The following TRIP11 variants were observed in gnomAD, a reference collection of about 807,000 sequenced individuals.
TRIP11 encodes thyroid hormone receptor interactor 11.
TRIP11 carries 148 observed loss-of-function variants against 223.1 expected under a neutral mutation model. The observed-to-expected ratio is 0.66, with a 90% CI of 0.58 to 0.76. The LOEUF is 0.76. Ranked by LOEUF, TRIP11 falls within the 30% of genes least tolerant of loss-of-function variation. TRIP11 has a pLI of 0.00. For missense variants in TRIP11, 2,043 were observed against 2,222.0 expected (o/e 0.92, Z 1.62); for synonymous variants, 762 against 772.6 (o/e 0.99, Z 0.23).
chr14:92,024,942 T>A (rs2057162974), intron 3 of TRIP11, among the ~76,000 whole-genome samples: 1 of 152,196 alleles, frequency 6.6e-6, no homozygotes, highest in South Asian at 2.1e-4. Context: ...AATTATCATA[T>A]ATTTAATAGT....
intron 10 of TRIP11, among the ~76,000 whole-genome samples, chr14:92,007,031 A>ATT (rs57448229): frequency 9.5e-4 from 124 of 129,940 alleles, no homozygotes; most frequent in African/African-American, 3.3e-3. Flanking sequence ...GGTAAATAGT[A>ATT]TTTTTTTTTT....
At chr14:91,986,712 T>A (rs191481844) in intron 16 of TRIP11, among the ~76,000 whole-genome samples, 1 of 152,238 alleles carries the variant, frequency 6.6e-6, no homozygotes, top group African/African-American at 2.4e-5. Context: ...TCCATTAGTC[T>A]AGCCCAACCC....
chr14:92,014,188 C>T (rs1322923284), intron 7 of TRIP11, 27 bp downstream of exon 7: 17 of 1,613,558 alleles, frequency 1.1e-5, no homozygotes, highest in African/African-American at 1.3e-5. Flanking sequence ...AAACAGCAAT[C>T]TGAAATAAGT....
intron 14 of TRIP11, among the ~76,000 whole-genome samples, chr14:91,994,389 A>G (rs959871305): frequency 4.0e-5 from 6 of 151,248 alleles, no homozygotes; most frequent in African/African-American, 1.2e-4. Context: ...GATTACAGGC[A>G]TCTTCCACCA....
rs758437737 is a variant in TRIP11, at chr14:92,005,147, A to G, written c.2829T>C (p.Phe943=). Residue 943 remains phenylalanine (F), a synonymous_variant, in exon 11 of 21, where the codon TTT becomes TTC. Coordinates refer to ENST00000267622, the MANE Select transcript of TRIP11 (RefSeq NM_004239.4). ...CGTTCATTTGCTCATGCTGGTATCT[A>G]AACTCATCCATTTCCTTCTTTTGCT... is the stretch of plus-strand genomic sequence containing the variant. ...LQEQKKEMDE[F]RYQHEQMNAT... 79 of 1,613,526 alleles carry G rather than the reference A, an allele frequency of 4.9e-5. No individual in the cohort carries two copies. In the Admixed American group the frequency reaches 1.3e-3, roughly 27 times the overall value.
chr14:92,000,596 T>C (rs2056811554), intron 11 of TRIP11, among the ~76,000 whole-genome samples: 1 of 152,188 alleles, frequency 6.6e-6, no homozygotes, highest in Admixed American at 6.5e-5. Context: ...AAGAATAAGT[T>C]TATTAGAAAT....
intron 12 of TRIP11, 49 bp from the exon 13 acceptor site, chr14:91,999,482 G>A (rs2056794201): frequency 6.4e-7 from 1 of 1,561,332 alleles, no homozygotes; most frequent in African/African-American, 1.4e-5. Context: ...CCTTTCCACT[G>A]CTACAAACCA....
chr14:92,006,867 C>A (rs1349482674), intron 10 of TRIP11, among the ~76,000 whole-genome samples: 1 of 151,830 alleles, frequency 6.6e-6, no homozygotes, highest in Non-Finnish European at 1.5e-5. Context: ...GGGGTTTCTC[C>A]ATGTTGGTCA....
intron 13 of TRIP11, among the ~76,000 whole-genome samples, chr14:91,998,387 G>C (rs1345171125): frequency 6.6e-6 from 1 of 152,050 alleles, no homozygotes; most frequent in Non-Finnish European, 1.5e-5. Context: ...ATTTTGAAAA[G>C]TTAAAACACA....
chr14:91,995,619 CTT>C (rs34736578), intron 13 of TRIP11, 104 bp from the exon 14 acceptor site: 32,810 of 888,908 alleles, frequency 0.037, no homozygotes, highest in South Asian at 0.041. Flanking sequence ...TATTTTATTT[CTT>C]TTTTTTTTTT....
chr14:91,989,879 T>C (rs1032730647), intron 15 of TRIP11, among the ~76,000 whole-genome samples: 9 of 152,178 alleles, frequency 5.9e-5, no homozygotes, highest in Admixed American at 6.5e-5. Flanking sequence ...GACCGCAGGT[T>C]CCGCCTATGC....
intron 16 of TRIP11, among the ~76,000 whole-genome samples, chr14:91,979,273 AG>A (rs1416680013): frequency 0.011 from 1,473 of 138,034 alleles, 21 homozygotes; most frequent in South Asian, 0.034. Flanking sequence ...AAAAAAAAAA[AG>A]AGAGAGAGAG....
At position 92,028,085 on chromosome 14, in the gene TRIP11, C is replaced by T. The variant is rs567058247; in HGVS notation, c.202-2665G>A. On this transcript the variant is annotated intron_variant, in intron 2 of 20. Transcript: ENST00000267622. ...ATGAAAAACACCATACATAACTCAG[C>T]GATATAATATACTGAAGTCAAACCC... is the stretch of plus-strand genomic sequence containing the variant. 7.2e-5 allele frequency among the ~76,000 whole-genome samples: 11 copies of T among 152,220 alleles called. 1 individual carries two copies. The South Asian group carries it at 2.1e-3, about 29-fold the overall frequency.
intron 15 of TRIP11, among the ~76,000 whole-genome samples, chr14:91,992,814 C>T (rs763811629): frequency 9.2e-5 from 13 of 141,090 alleles, no homozygotes; most frequent in Non-Finnish European, 2.0e-4. Flanking sequence ...AAGGCTGAGG[C>T]AGGAGAAAGG....
chr14:92,019,393 C>T lies in TRIP11; in HGVS notation c.589-1643G>A, dbSNP rs964040479. Reference sequence around the variant, plus strand: ...AAGGTACCACAGAAGATCTACAATACTGCCAAGTTCTCCAGGTCATTTCTT... The same window carrying T: ...AAGGTACCACAGAAGATCTACAATATTGCCAAGTTCTCCAGGTCATTTCTT... On this transcript the variant is annotated intron_variant, in intron 4 of 20. Transcript: ENST00000267622. Among the ~76,000 whole-genome samples, 5 of 152,318 alleles carry T rather than the reference C, an allele frequency of 3.3e-5. 1 individual carries two copies. In the Middle Eastern group the frequency reaches 0.01, roughly 311 times the overall value.
chr14:92,018,090 T>G (rs1020058419), intron 4 of TRIP11, among the ~76,000 whole-genome samples: 7 of 151,718 alleles, frequency 4.6e-5, no homozygotes, highest in African/African-American at 1.7e-4. Context: ...AAATTTCTTT[T>G]TCCTTTCTTT....
chr14:91,988,377 A>T lies in TRIP11; in HGVS notation c.5167T>A (p.Leu1723Met), dbSNP rs755258995. The change falls in exon 16 of 21, where the codon TTG (leucine) becomes ATG (methionine). Residue 1723 changes from leucine (L) to methionine (M), a missense_variant. Physicochemically the swap from Leu to Met is conservative, Grantham distance 15. Transcript: ENST00000267622. Reference sequence around the variant, plus strand: ...TCCAATGCAGCATTTGCTTCATCCAAACATTCCTGAGAAAGAAAACTTTAT... The same window carrying T: ...TCCAATGCAGCATTTGCTTCATCCATACATTCCTGAGAAAGAAAACTTTAT... ...EGKVISLQEC[L>M]DEANAALDSA... 3 of 1,613,582 alleles carry T rather than the reference A, an allele frequency of 1.9e-6. No individual in the cohort carries two copies. In the South Asian group the frequency reaches 3.3e-5, roughly 18 times the overall value.
chr14:91,969,505 C>T lies in TRIP11; in HGVS notation c.*168G>A, dbSNP rs2056374680. 1 of 716,540 alleles carries T rather than the reference C, an allele frequency of 1.4e-6. No individual in the cohort carries two copies. Among genetic ancestry groups the T allele is most frequent in the Admixed American group, 2.1e-5 (1 of 47,086 alleles). 44.4% of individuals were successfully genotyped at this position (716,540 alleles called of 1,614,324 possible). On this transcript the variant is annotated 3_prime_UTR_variant, in exon 21 of 21. Transcript: ENST00000267622. ...TTATATAGCAAACACTTGCTCCTGA[C>T]ACCTGCAGTTTCTAAAAGCATTAGG...
chr14:92,022,066 G>T (rs987667775), intron 3 of TRIP11, among the ~76,000 whole-genome samples: 6 of 152,144 alleles, frequency 3.9e-5, no homozygotes, highest in African/African-American at 1.4e-4. Context: ...TCAGAATTTT[G>T]TATGTTAACT....
Sources: allele counts gnomAD v4.1 joint callset (sites outside exome capture counted in the v4.1 genomes callset), GRCh38; gene constraint gnomAD v4.1.1; transcripts MANE v1.5; gene names NCBI Gene and HGNC (gene_info 2026-07-23, HGNC 2026-07-21).